PRKCE: variants seen among roughly 807,000 people sequenced by gnomAD.
PRKCE encodes the protein protein kinase C epsilon.
Under a neutral mutation model 85.4 loss-of-function variants are expected in PRKCE, and 16 were observed. That is an observed-to-expected ratio of 0.19 (90% confidence interval 0.13 to 0.28). PRKCE has a LOEUF of 0.28. Among genes scored for constraint, PRKCE ranks in the 10% least tolerant of loss-of-function variants. PRKCE has a pLI of 1.00. For synonymous variants in PRKCE, 388 were observed against 371.5 expected, an observed-to-expected ratio of 1.04 and a Z score of -0.51; for missense variants, 573 against 975.2, an observed-to-expected ratio of 0.59 and a Z score of 5.49.
chr2:45,799,765 T>A (rs1159865974), intron 1 of PRKCE, among the ~76,000 whole-genome samples: 1 of 152,184 alleles, frequency 6.6e-6, no homozygotes, highest in Non-Finnish European at 1.5e-5. Flanking sequence ...ACATTTAATT[T>A]GTACAAGGAG....
In PRKCE at chr2:46,021,003, C is replaced by T. The variant is rs140167849; in HGVS notation, c.1437+10486C>T. On this transcript the variant is annotated intron_variant, in intron 10 of 14. Transcript: ENST00000306156. ...TCAGGGAGGCTTAACCATTTGGTCA[C>T]GATCACACGGAGTTAAGTGATAAAG... Among the ~76,000 whole-genome samples the T allele has an allele frequency of 5.5e-3, 830 of 152,220 alleles. 8 individuals are homozygous for T. The highest frequency in any genetic ancestry group is 0.018 in the African/African-American group (766 of 41,526).
chr2:45,850,780 A>G (rs72801047), intron 2 of PRKCE, among the ~76,000 whole-genome samples: 36,337 of 152,124 alleles, frequency 0.24, 4,796 homozygotes, highest in East Asian at 0.32. Context: ...GTAGGGGTGT[A>G]CATGTGCCCA....
intron 1 of PRKCE, among the ~76,000 whole-genome samples, chr2:45,672,026 G>GT (rs1432556547): frequency 1.4e-5 from 2 of 139,372 alleles, no homozygotes; most frequent in African/African-American, 5.4e-5. Context: ...TTATGCCACT[G>GT]TACTCTAGCT....
intron 2 of PRKCE, among the ~76,000 whole-genome samples, chr2:45,935,067 T>TCA (rs1553453521): frequency 0.039 from 5,735 of 146,316 alleles, 193 homozygotes; most frequent in East Asian, 0.17. Flanking sequence ...ACTCTCTCTC[T>TCA]CACACACACA....
intron 1 of PRKCE, among the ~76,000 whole-genome samples, chr2:45,738,471 T>G (rs1053447367): frequency 1.3e-5 from 2 of 152,246 alleles, no homozygotes; most frequent in Non-Finnish European, 2.9e-5. Flanking sequence ...GAAATCCCAC[T>G]GTTTTCAGAT....
At chr2:45,975,504 A>G (rs1702388937) in intron 2 of PRKCE, among the ~76,000 whole-genome samples, 1 of 152,152 alleles carries the variant, frequency 6.6e-6, no homozygotes, top group East Asian at 1.9e-4. Flanking sequence ...AAGGACACTA[A>G]TCCCATCATG....
intron 2 of PRKCE, among the ~76,000 whole-genome samples, chr2:45,919,259 G>C (rs893137163): frequency 6.6e-6 from 1 of 152,232 alleles, no homozygotes; most frequent in Non-Finnish European, 1.5e-5. Flanking sequence ...CAGCCAGTGA[G>C]TGAGGATCAC....
intron 10 of PRKCE, among the ~76,000 whole-genome samples, chr2:46,081,890 G>T (rs546236947): frequency 6.6e-6 from 1 of 152,312 alleles, no homozygotes; most frequent in East Asian, 1.9e-4. Flanking sequence ...GAAGTCAGGA[G>T]TTTGAGACCA....
Position 45,825,134 on chromosome 2 carries a change from C to CT in PRKCE, c.349-17865dup, listed in dbSNP as rs1315676307. ...GAACTAGTAGCCTTCATAACAACAG[C>CT]TATGCCAGTGTCATCTTTGCCTGGC... On this transcript the variant is annotated intron_variant, in intron 1 of 14. Coordinates refer to ENST00000306156, the MANE Select transcript of PRKCE (RefSeq NM_005400.3). Among the ~76,000 whole-genome samples the CT allele has an allele frequency of 5.9e-5, 9 of 152,354 alleles. No homozygotes were observed. In the South Asian group the frequency reaches 8.3e-4, roughly 14 times the overall value.
chr2:45,887,799 C>T (rs1227964546), intron 2 of PRKCE, among the ~76,000 whole-genome samples: 1 of 152,198 alleles, frequency 6.6e-6, no homozygotes, highest in East Asian at 1.9e-4. Context: ...ACTTTGCTTG[C>T]TGAGCAAATG....
intron 2 of PRKCE, among the ~76,000 whole-genome samples, chr2:45,959,257 G>T (rs1701219466): frequency 2.0e-5 from 3 of 152,156 alleles, no homozygotes; most frequent in African/African-American, 7.2e-5. Flanking sequence ...AGCCAGAGAG[G>T]CCAGGGCATC....
Position 46,116,115 on chromosome 2 carries a change from T to A in PRKCE, c.1593-28978T>A, listed in dbSNP as rs562940294. Among the ~76,000 whole-genome samples, 130 of 152,300 alleles carry A rather than the reference T, an allele frequency of 8.5e-4. 1 individual carries two copies. Among genetic ancestry groups the A allele is most frequent in the African/African-American group, 3.1e-3 (127 of 41,576 alleles). The stretch of plus-strand genomic sequence containing the variant: ...TGCTTAGTCTCGAAATGTTTCGTTT[T>A]TATTAGTCTTGTCTCCCCAACCAAA... On this transcript the variant is annotated intron_variant, in intron 11 of 14. Coordinates refer to ENST00000306156, the MANE Select transcript of PRKCE (RefSeq NM_005400.3).
intron 2 of PRKCE, among the ~76,000 whole-genome samples, chr2:45,914,554 A>G (rs1274370146): frequency 1.3e-5 from 2 of 152,184 alleles, no homozygotes; most frequent in Non-Finnish European, 2.9e-5. Flanking sequence ...CCCTACCTCC[A>G]TGTTTTCTCT....
intron 2 of PRKCE, among the ~76,000 whole-genome samples, chr2:45,942,058 G>C (rs1256421620): frequency 6.6e-6 from 1 of 152,192 alleles, no homozygotes; most frequent in East Asian, 1.9e-4. Context: ...TTATGAATTT[G>C]TTAGTTTGAA....
intron 2 of PRKCE, among the ~76,000 whole-genome samples, chr2:45,890,336 C>T (rs1695627035): frequency 6.6e-6 from 1 of 152,120 alleles, no homozygotes; most frequent in African/African-American, 2.4e-5. Flanking sequence ...AGAAATACTT[C>T]AGTACATAGT....
At chr2:45,744,877 GGGA>G (rs1683013545) in intron 1 of PRKCE, among the ~76,000 whole-genome samples, 1 of 152,180 alleles carries the variant, frequency 6.6e-6, no homozygotes, top group Non-Finnish European at 1.5e-5. Flanking sequence ...CCAAAGTGCT[GGGA>G]TTATAGGCGT....
intron 11 of PRKCE, among the ~76,000 whole-genome samples, chr2:46,088,992 C>T (rs958885263): frequency 2.6e-5 from 4 of 152,218 alleles, no homozygotes; most frequent in Non-Finnish European, 5.9e-5. Context: ...TACTCCAAAA[C>T]TTGACCTTCC....
chr2:45,875,337 C>G (rs1694394861), intron 2 of PRKCE, among the ~76,000 whole-genome samples: 1 of 152,258 alleles, frequency 6.6e-6, no homozygotes, highest in Non-Finnish European at 1.5e-5. Flanking sequence ...CTATTGCCTT[C>G]AGGCATCACA....
chr2:45,824,526 C>A (rs1443120033), intron 1 of PRKCE, among the ~76,000 whole-genome samples: 2 of 152,154 alleles, frequency 1.3e-5, no homozygotes, highest in African/African-American at 4.8e-5. Context: ...CTAGAATTAG[C>A]CTTTGGATAA....
Sources: allele counts gnomAD v4.1 joint callset (sites outside exome capture counted in the v4.1 genomes callset), GRCh38; gene constraint gnomAD v4.1.1; transcripts MANE v1.5; gene names NCBI Gene and HGNC (gene_info 2026-07-23, HGNC 2026-07-21).